BBX: variants seen among roughly 807,000 people sequenced by gnomAD.
The protein encoded by BBX is HMG box transcription factor BBX.
BBX carries 30 observed loss-of-function variants against 100.2 expected under a neutral mutation model. That is an observed-to-expected ratio of 0.30 (90% CI 0.22 to 0.41). The LOEUF is 0.41. Among genes scored for constraint, BBX ranks in the 10% least tolerant of loss-of-function variants. The pLI, the probability that BBX is intolerant of heterozygous loss-of-function variation, is 1.00. For synonymous variants in BBX, 376 were observed against 388.1 expected, an observed-to-expected ratio of 0.97 and a Z score of 0.37; for missense variants, 1,023 against 1,129.8, an observed-to-expected ratio of 0.91 and a Z score of 1.35.
intron 10 of BBX, among the ~76,000 whole-genome samples, chr3:107,760,040 TC>T (rs532762997): frequency 5.2e-4 from 79 of 152,226 alleles, no homozygotes; most frequent in Non-Finnish European, 8.5e-4. Context: ...CTCACAACTA[TC>T]CTCTGAGGTA....
chr3:107,804,326 AT>A (rs939568867), intron 17 of BBX, among the ~76,000 whole-genome samples: 3 of 152,208 alleles, frequency 2.0e-5, no homozygotes, highest in African/African-American at 4.8e-5. Context: ...AGAAGATACG[AT>A]TTTGAAAGGT....
chr3:107,659,041 G>T (rs1002007121), intron 3 of BBX, among the ~76,000 whole-genome samples: 1 of 151,988 alleles, frequency 6.6e-6, no homozygotes, highest in Non-Finnish European at 1.5e-5. Context: ...CAACTTGAAA[G>T]AATAGATCAC....
At chr3:107,531,858 A>C (rs2048182763) in intron 2 of BBX, among the ~76,000 whole-genome samples, 1 of 152,134 alleles carries the variant, frequency 6.6e-6, no homozygotes, top group Non-Finnish European at 1.5e-5. Context: ...AGCACAGGGC[A>C]TTCTCTCTGG....
intron 15 of BBX, among the ~76,000 whole-genome samples, 196 bp downstream of exon 15, chr3:107,791,495 A>G (rs1056497140): frequency 6.6e-6 from 1 of 152,220 alleles, no homozygotes; most frequent in African/African-American, 2.4e-5. Context: ...GCAATGTGTC[A>G]TGTGGTGTTT....
At chr3:107,646,215 G>A (rs1576156367) in intron 3 of BBX, 2 of 152,174 alleles carry the variant, frequency 1.3e-5, no homozygotes, top group Middle Eastern at 6.8e-3. Context: ...ATACTAAGAG[G>A]TTATATACCT....
intron 2 of BBX, among the ~76,000 whole-genome samples, chr3:107,633,149 ATAAT>A (rs895731044): frequency 2.6e-5 from 4 of 152,088 alleles, no homozygotes; most frequent in African/African-American, 9.7e-5. Flanking sequence ...AGTTACTATA[ATAAT>A]TTTTAATAGA....
chr3:107,653,540 C>T (rs1016055034), intron 3 of BBX, among the ~76,000 whole-genome samples: 1 of 152,122 alleles, frequency 6.6e-6, no homozygotes, highest in African/African-American at 2.4e-5. Flanking sequence ...AGCTGATAGA[C>T]AAGAATATTG....
rs2062141157 is a variant in BBX at position 107,716,787 on chromosome 3, G to A, written c.343G>A (p.Ala115Thr). 6.2e-7 allele frequency: 1 copy of A among 1,613,738 alleles called. No individual in the cohort carries two copies. Among genetic ancestry groups the A allele is most frequent in the East Asian group, 2.2e-5 (1 of 44,870 alleles). ...LDNRGATKILADWWAVLDPKE... is the reference protein window; with the variant it reads ...LDNRGATKILTDWWAVLDPKE... ...TAACCGAGGTGCTACCAAGATACTA[G>A]CTGATTGGTGGGCTGTTCTTGATCC... The change falls in exon 5 of 18, where the codon GCT becomes ACT. Residue 115 changes from alanine (A) to threonine (T), a missense_variant. Ala to Thr is a moderately conservative substitution (Grantham distance 58, BLOSUM62 0). Around this residue, in one of 9 missense-constraint regions of BBX, gnomAD observed 229 missense variants for 226.3 expected, o/e 1.01. Transcript: ENST00000325805.
intron 2 of BBX, among the ~76,000 whole-genome samples, chr3:107,637,526 G>A (rs1261666202): frequency 6.6e-6 from 1 of 152,222 alleles, no homozygotes; most frequent in Admixed American, 6.5e-5. Flanking sequence ...CATGGCAGTA[G>A]CCCTGGGTTC....
chr3:107,762,552 T>A (rs1243610379), intron 10 of BBX, among the ~76,000 whole-genome samples: 2 of 152,228 alleles, frequency 1.3e-5, no homozygotes, highest in Non-Finnish European at 2.9e-5. Context: ...TGAAAAACAC[T>A]GCTAAAATGC....
At chr3:107,564,828 T>C (rs191714583) in intron 2 of BBX, among the ~76,000 whole-genome samples, 1 of 152,350 alleles carries the variant, frequency 6.6e-6, no homozygotes, top group Admixed American at 6.5e-5. Context: ...TGGCTATTCT[T>C]GAATATTCAT....
At chr3:107,555,389 A>G (rs750083062) in intron 2 of BBX, among the ~76,000 whole-genome samples, 20 of 152,332 alleles carry the variant, frequency 1.3e-4, no homozygotes, top group Middle Eastern at 6.8e-3. Context: ...GTAATATGCA[A>G]AGGGCTAAGT....
chr3:107,553,063 T>A (rs2049820158), intron 2 of BBX, among the ~76,000 whole-genome samples: 1 of 152,228 alleles, frequency 6.6e-6, no homozygotes, highest in Non-Finnish European at 1.5e-5. Flanking sequence ...GCTAAGGATC[T>A]GCTAAATTTG....
chr3:107,683,100 A>G (rs2059655270), intron 3 of BBX, among the ~76,000 whole-genome samples: 1 of 152,168 alleles, frequency 6.6e-6, no homozygotes, highest in Non-Finnish European at 1.5e-5. Flanking sequence ...TCATTTCAGC[A>G]TGTTTACTAG....
rs180863043 is a variant in BBX at position 107,653,729 on chromosome 3, G to A, written c.-10+7820G>A. ...CTTATGACAGAAATGTTCTGTTTTAGAGTATCGAACATTACCATAGGCACT... is the reference window on the plus strand; with the variant it reads ...CTTATGACAGAAATGTTCTGTTTTAAAGTATCGAACATTACCATAGGCACT... On this transcript the variant is annotated intron_variant, in intron 3 of 17. Transcript: ENST00000325805. 2.7e-3 allele frequency among the ~76,000 whole-genome samples: 406 copies of A among 152,204 alleles called. 1 individual carries two copies. The highest frequency in any genetic ancestry group is 7.5e-3 in the South Asian group (36 of 4,814).
At chr3:107,790,388 C>A (rs1254872241) in intron 14 of BBX, among the ~76,000 whole-genome samples, 1 of 152,114 alleles carries the variant, frequency 6.6e-6, no homozygotes, top group East Asian at 1.9e-4. Context: ...CACCCCCCCT[C>A]GTTTGCCAGG....
rs533995534 is a variant in BBX, at chr3:107,760,911, G to A, written c.906+5233G>A. Among the ~76,000 whole-genome samples the A allele has an allele frequency of 3.0e-4, 45 of 152,272 alleles. 1 individual carries two copies. In the South Asian group the frequency reaches 8.9e-3, roughly 30 times the overall value. ...AAATAAATATAGATTTCTGACTTCTGAAAATTTGGAGGACCTGGAGACATC... is the reference window on the plus strand; with the variant it reads ...AAATAAATATAGATTTCTGACTTCTAAAAATTTGGAGGACCTGGAGACATC... On this transcript the variant is annotated intron_variant, in intron 10 of 17. Transcript: ENST00000325805.
chr3:107,796,224 G>A (rs533668009), intron 15 of BBX, among the ~76,000 whole-genome samples: 92 of 152,286 alleles, frequency 6.0e-4, no homozygotes, highest in African/African-American at 2.1e-3. Flanking sequence ...TGGTCTCTGT[G>A]TAAAAAGCAA....
Position 107,593,398 on chromosome 3 carries a change from TC to T in BBX, c.-83-52437del, listed in dbSNP as rs532456548. ...TAATCACTAATCCACTAAATCCTAATCAATTTTGGTGATCTGAGATTATTAC... is the reference window on the plus strand; with the variant it reads ...TAATCACTAATCCACTAAATCCTAATAATTTTGGTGATCTGAGATTATTAC... On this transcript the variant is annotated intron_variant, in intron 2 of 17. Transcript: ENST00000325805. Among the ~76,000 whole-genome samples the T allele has an allele frequency of 1.8e-3, 272 of 152,330 alleles. 4 individuals carry two copies. In the Middle Eastern group the frequency reaches 0.048, roughly 27 times the overall value.
Sources: allele counts gnomAD v4.1 joint callset (sites outside exome capture counted in the v4.1 genomes callset), GRCh38; gene constraint gnomAD v4.1.1; regional missense constraint gnomAD v4.1.1; transcripts MANE v1.5; gene names NCBI Gene and HGNC (gene_info 2026-07-23, HGNC 2026-07-21).